The following GTF2A1 variants were observed in gnomAD, a reference collection of about 807,000 sequenced individuals.
The protein encoded by GTF2A1 is general transcription factor IIA subunit 1, also known as transcription initiation factor IIA subunit 1.
Under a neutral mutation model 54.1 loss-of-function variants are expected in GTF2A1, and 12 were observed. The ratio of observed to expected loss-of-function variants is 0.22; its 90% confidence interval spans 0.14 to 0.36. The LOEUF (loss-of-function observed/expected upper bound fraction) is 0.36. GTF2A1 is among the 10% of genes least tolerant of loss of function. GTF2A1 has a pLI of 1.00. For synonymous variants in GTF2A1, 145 were observed against 152.0 expected (o/e 0.95, Z 0.34); for missense variants, 335 against 442.2 (o/e 0.76, Z 2.17).
At chr14:81,190,980 A>C (rs1365894079) in intron 7 of GTF2A1, among the ~76,000 whole-genome samples, 2 of 152,186 alleles carry the variant, frequency 1.3e-5, no homozygotes, top group African/African-American at 4.8e-5. Context: ...GGTAATAAAA[A>C]CATGTTACTT....
In GTF2A1 at chr14:81,175,782, C is replaced by G. The variant is rs2140140443; in HGVS notation, c.*4441G>C. On this transcript the variant is annotated 3_prime_UTR_variant, in exon 9 of 9. Transcript: ENST00000553612. The stretch of plus-strand genomic sequence containing the variant: ...TAATCTATACTTTGGAGTAGAAATA[C>G]TTATTTAATACAATATGTTAATTAT... 6.6e-6 allele frequency: 1 copy of G among 152,124 alleles called. No individual in the cohort carries two copies. The highest frequency in any genetic ancestry group is 2.1e-4 in the South Asian group (1 of 4,824). The allele number at this position is 152,124 out of a possible 1,614,324, so 9.4% of individuals were successfully genotyped here.
At chr14:81,210,232 A>C (rs1265523508) in intron 2 of GTF2A1, among the ~76,000 whole-genome samples, 2 of 152,250 alleles carry the variant, frequency 1.3e-5, no homozygotes, top group Admixed American at 6.5e-5. Flanking sequence ...ACATACAAAA[A>C]GAGTATCATA....
At chr14:81,202,255 A>G (rs1297087786) in intron 3 of GTF2A1, among the ~76,000 whole-genome samples, 1 of 152,204 alleles carries the variant, frequency 6.6e-6, no homozygotes, top group Non-Finnish European at 1.5e-5. Flanking sequence ...TTTCAAACAT[A>G]ATTTTGTCTT....
At chr14:81,207,139 G>GTACCTACC (rs58629753) in intron 2 of GTF2A1, among the ~76,000 whole-genome samples, 3,189 of 147,874 alleles carry the variant, frequency 0.022, 36 homozygotes, top group Middle Eastern at 0.028. Flanking sequence ...ACCTACCTAC[G>GTACCTACC]TACCTACCTA....
In GTF2A1 at chr14:81,177,003, T is replaced by C. The variant is rs993942285; in HGVS notation, c.*3220A>G. On this transcript the variant is annotated 3_prime_UTR_variant, in exon 9 of 9. Transcript: ENST00000553612. ...ACATTATTGCTATGAGAATCAAAAA[T>C]AGTATACTCTTAGAGGGAGACAACT... The C allele has an allele frequency of 1.3e-5, 2 of 151,896 alleles. No individual in the cohort carries two copies. Among genetic ancestry groups the C allele is most frequent in the South Asian group, 2.1e-4 (1 of 4,834 alleles). 9.4% of individuals were successfully genotyped at this position (151,896 alleles called of 1,614,324 possible).
At chr14:81,193,858 A>G (rs1892930269) in intron 6 of GTF2A1, among the ~76,000 whole-genome samples, 1 of 152,192 alleles carries the variant, frequency 6.6e-6, no homozygotes, top group Non-Finnish European at 1.5e-5. Flanking sequence ...AAGACACAGT[A>G]TTTCCTTTAA....
intron 2 of GTF2A1, among the ~76,000 whole-genome samples, chr14:81,215,944 T>C (rs1893479373): frequency 6.6e-6 from 1 of 152,134 alleles, no homozygotes; most frequent in Non-Finnish European, 1.5e-5. Flanking sequence ...GGTTTGAGTC[T>C]GGGAGGCAGA....
chr14:81,215,996 G>C (rs1893480632), intron 2 of GTF2A1, among the ~76,000 whole-genome samples: 1 of 152,210 alleles, frequency 6.6e-6, no homozygotes. Context: ...CTCCAGCCTG[G>C]GCGACAGAGC....
At chr14:81,203,714 T>TA (rs1412220212) in intron 3 of GTF2A1, among the ~76,000 whole-genome samples, 186 bp downstream of exon 3, 1 of 152,182 alleles carries the variant, frequency 6.6e-6, no homozygotes, top group Non-Finnish European at 1.5e-5. Flanking sequence ...TACATTTACA[T>TA]ACACATCCCT....
At chr14:81,186,215 A>C (rs1448502534) in intron 7 of GTF2A1, among the ~76,000 whole-genome samples, 1 of 152,242 alleles carries the variant, frequency 6.6e-6, no homozygotes, top group Non-Finnish European at 1.5e-5. Flanking sequence ...ATAACTGTTT[A>C]AGATGCCTAG....
Position 81,205,091 on chromosome 14 carries a change from A to G in GTF2A1, c.133-987T>C, listed in dbSNP as rs1413267949. 5.3e-5 allele frequency among the ~76,000 whole-genome samples: 8 copies of G among 152,154 alleles called. No individual in the cohort carries two copies. The East Asian group carries it at 9.6e-4, about 18-fold the overall frequency. On this transcript the variant is annotated intron_variant, in intron 2 of 8. Transcript: ENST00000553612. ...GATCCTTCAAGAACTTCCCTTTGCCATACTCACAGAGAGTTTCTTTATTTT... is the reference window on the plus strand; with the variant it reads ...GATCCTTCAAGAACTTCCCTTTGCCGTACTCACAGAGAGTTTCTTTATTTT...
Position 81,216,506 on chromosome 14 carries a change from T to C in GTF2A1, c.39A>G (p.Leu13=). 1 of 1,433,894 alleles carries C rather than the reference T, an allele frequency of 7.0e-7. No homozygotes were observed. The highest frequency in any genetic ancestry group is 2.3e-5 in the East Asian group (1 of 43,980). The allele number at this position is 1,433,894 out of a possible 1,614,324, so 88.8% of individuals were successfully genotyped here. ...NSANTNTVPK[L]YRSVIEDVIN... ...TGACATCTTCAATCACAGATCTGTATAATTTAGGCTTTAAAGGAAAAATAA... is the reference window on the plus strand; with the variant it reads ...TGACATCTTCAATCACAGATCTGTACAATTTAGGCTTTAAAGGAAAAATAA... The change falls in exon 2 of 9, where the codon TTA becomes TTG. Residue 13 remains leucine, a synonymous_variant. Transcript: ENST00000553612.
chr14:81,193,796 G>A (rs1053120945), intron 6 of GTF2A1, among the ~76,000 whole-genome samples: 3 of 152,044 alleles, frequency 2.0e-5, no homozygotes, highest in African/African-American at 4.8e-5. Context: ...TATAATAAAG[G>A]AGGAGGACTA....
intron 1 of GTF2A1, among the ~76,000 whole-genome samples, chr14:81,218,130 G>A (rs987270723): frequency 1.4e-4 from 21 of 151,076 alleles, no homozygotes; most frequent in Admixed American, 4.6e-4. Context: ...TCCTCGAGGC[G>A]TTAGGAGGGC....
At chr14:81,219,642 C>CATAAAA (rs1280140986) in intron 1 of GTF2A1, among the ~76,000 whole-genome samples, 1 of 152,172 alleles carries the variant, frequency 6.6e-6, no homozygotes, top group Non-Finnish European at 1.5e-5. Flanking sequence ...TTATTGTCAT[C>CATAAAA]ATAAAAATAA....
rs200315855 is a variant in GTF2A1, at chr14:81,220,501, A to C, written c.18T>G (p.Asn6Lys). MANSA[N>K]TNTVPKLYRS... is the part of the protein sequence containing the mutation. ...ACCACGTCCTTACCACGGTGTTTGT[A>C]TTTGCCGAGTTCGCCATTTCCACAC... Residue 6 changes from asparagine to lysine, a missense_variant, in exon 1 of 9, where the codon AAT becomes AAG. Transcript: ENST00000553612. The C allele has an allele frequency of 6.3e-7, 1 of 1,580,088 alleles. No homozygotes were observed. Among genetic ancestry groups the C allele is most frequent in the Admixed American group, 1.8e-5 (1 of 55,352 alleles).
chr14:81,220,346 G>A (rs1390161642), intron 1 of GTF2A1, 143 bp downstream of exon 1: 8 of 288,876 alleles, frequency 2.8e-5, no homozygotes, highest in Admixed American at 6.0e-5. Context: ...CGATCCGCCC[G>A]AGGCGGGAAG....
At position 81,204,117 on chromosome 14, in the gene GTF2A1, A is replaced by T. The variant is rs1288613377; in HGVS notation, c.133-13T>A. On this transcript the variant is annotated splice_polypyrimidine_tract_variant and intron_variant, in intron 2 of 8. Coordinates refer to ENST00000553612, the MANE Select transcript of GTF2A1 (RefSeq NM_015859.4). The stretch of plus-strand genomic sequence containing the variant: ...TGTTTTCCCATAACTAAGGCAAAGA[A>T]CATTAAAGATTTCTAAGTGAAAAAT... The T allele has an allele frequency of 6.4e-7, 1 of 1,553,974 alleles. No individual in the cohort carries two copies. Among genetic ancestry groups the T allele is most frequent in the African/African-American group, 1.4e-5 (1 of 73,878 alleles).
At position 81,207,126 on chromosome 14, in the gene GTF2A1, TCTACCTACCTACGTAC is replaced by T. The variant is rs1420239240; in HGVS notation, c.133-3038_133-3023del. Among the ~76,000 whole-genome samples, 3 of 141,538 alleles carry T rather than the reference TCTACCTACCTACGTAC, an allele frequency of 2.1e-5. No individual in the cohort carries two copies. In the South Asian group the frequency reaches 6.9e-4, roughly 33 times the overall value. 92.9% of individuals were successfully genotyped at this position (141,538 alleles called of 152,430 possible). A position where few individuals can be genotyped will look rare whatever the true frequency, so the allele number is the denominator to read the frequency against. Reference sequence around the variant, plus strand: ...GCAAAGTAATTAATATATCTATCTATCTACCTACCTACGTACCTACCTACCTACCTACCTACCTACC... The same window carrying T: ...GCAAAGTAATTAATATATCTATCTATCTACCTACCTACCTACCTACCTACC... On this transcript the variant is annotated intron_variant, in intron 2 of 8. Transcript: ENST00000553612.
Sources: allele counts gnomAD v4.1 joint callset (sites outside exome capture counted in the v4.1 genomes callset), GRCh38; gene constraint gnomAD v4.1.1; transcripts MANE v1.5; gene names NCBI Gene and HGNC (gene_info 2026-07-23, HGNC 2026-07-21).